The following SMYD3 variants were observed in gnomAD, a reference collection of about 807,000 sequenced individuals.
The protein encoded by SMYD3 is histone-lysine N-methyltransferase SMYD3.
Under a neutral mutation model 57.7 loss-of-function variants are expected in SMYD3, and 36 were observed. That is an observed-to-expected ratio of 0.62 (90% CI 0.48 to 0.82). The LOEUF is 0.82. Ranked by LOEUF, SMYD3 falls within the 40% of genes least tolerant of loss-of-function variation. The pLI is 0.00. For missense variants in SMYD3, 515 were observed against 538.8 expected (o/e 0.96, Z 0.44); for synonymous variants, 211 against 195.0 (o/e 1.08, Z -0.68).
chr1:246,144,216 A>G (rs1005725457), intron 5 of SMYD3, among the ~76,000 whole-genome samples: 1 of 152,184 alleles, frequency 6.6e-6, no homozygotes, highest in Admixed American at 6.5e-5. Flanking sequence ...TCTTCAGGGC[A>G]AGCCTGGGTA....
At chr1:245,978,013 T>TA (rs199741519) in intron 5 of SMYD3, among the ~76,000 whole-genome samples, 2,589 of 152,290 alleles carry the variant, frequency 0.017, 25 homozygotes, top group Non-Finnish European at 0.024. Context: ...CAGAGCCAGG[T>TA]GCAAGCCCAG....
At chr1:246,319,358 G>A (rs559183264) in intron 5 of SMYD3, among the ~76,000 whole-genome samples, 7 of 152,264 alleles carry the variant, frequency 4.6e-5, no homozygotes, top group Admixed American at 3.9e-4. Flanking sequence ...GTGACTGGAG[G>A]TTAGCAATCC....
intron 3 of SMYD3, among the ~76,000 whole-genome samples, chr1:246,331,353 G>A (rs1026147111): frequency 1.3e-5 from 2 of 152,332 alleles, no homozygotes; most frequent in African/African-American, 4.8e-5. Context: ...TTATGTATGT[G>A]TATCTTCCTT....
intron 5 of SMYD3, among the ~76,000 whole-genome samples, chr1:246,229,609 G>A (rs2063381438): frequency 6.6e-6 from 1 of 152,146 alleles, no homozygotes; most frequent in Admixed American, 6.6e-5. Flanking sequence ...TCACAGTTCT[G>A]GAGGCTGGGA....
At chr1:246,448,793 T>C (rs1051058398) in intron 1 of SMYD3, among the ~76,000 whole-genome samples, 5 of 150,180 alleles carry the variant, frequency 3.3e-5, no homozygotes, top group South Asian at 2.1e-4. Flanking sequence ...CTGCTTCCAA[T>C]GTAGGACCAA....
rs143167234 is a variant in SMYD3 at position 246,425,333 on chromosome 1, A to G, written c.165-70239T>C. On this transcript the variant is annotated intron_variant, in intron 1 of 11. Transcript: ENST00000490107. ...TACCGGAGATACAACACCAACCTAGATAACAAAGACCACAGAGTACATCCA... is the reference window on the plus strand; with the variant it reads ...TACCGGAGATACAACACCAACCTAGGTAACAAAGACCACAGAGTACATCCA... Among the ~76,000 whole-genome samples, 731 of 152,332 alleles carry G rather than the reference A, an allele frequency of 4.8e-3. 6 individuals carry two copies. The highest frequency in any genetic ancestry group is 0.01 in the Middle Eastern group (3 of 294).
intron 8 of SMYD3, among the ~76,000 whole-genome samples, chr1:245,910,003 TAGAA>T (rs894870345): frequency 2.0e-5 from 3 of 152,094 alleles, no homozygotes; most frequent in African/African-American, 7.2e-5. Flanking sequence ...GCATTCAAAT[TAGAA>T]AGGAAGAATT....
At chr1:246,264,970 G>A (rs1184501972) in intron 5 of SMYD3, among the ~76,000 whole-genome samples, 1 of 152,110 alleles carries the variant, frequency 6.6e-6, no homozygotes, top group Non-Finnish European at 1.5e-5. Flanking sequence ...TAATTGTGAA[G>A]AAATAAAAAA....
rs567228529 is a variant in SMYD3 at position 246,438,887 on chromosome 1, A to C, written c.164+68167T>G. Among the ~76,000 whole-genome samples the C allele has an allele frequency of 7.3e-5, 11 of 151,606 alleles. No individual in the cohort carries two copies. In the East Asian group the frequency reaches 2.1e-3, roughly 29 times the overall value. ...CAATAGGGTTCACGCTCCCGTGAGAATCTAATGCCGCTGCTGATCTGACAG... is the reference window on the plus strand; with the variant it reads ...CAATAGGGTTCACGCTCCCGTGAGACTCTAATGCCGCTGCTGATCTGACAG... On this transcript the variant is annotated intron_variant, in intron 1 of 11. Transcript: ENST00000490107.
intron 5 of SMYD3, among the ~76,000 whole-genome samples, chr1:246,324,857 G>A (rs933359771): frequency 7.9e-5 from 12 of 150,944 alleles, no homozygotes; most frequent in Admixed American, 6.6e-4. Context: ...CCCAGTTCCC[G>A]TGTGCTTGAT....
intron 1 of SMYD3, among the ~76,000 whole-genome samples, chr1:246,474,472 T>C (rs1299998069): frequency 7.0e-6 from 1 of 142,546 alleles, no homozygotes; most frequent in Non-Finnish European, 1.5e-5. Context: ...TGGGCCAAGA[T>C]TGAGCCACTG....
At chr1:245,991,810 A>G (rs12121035) in intron 5 of SMYD3, among the ~76,000 whole-genome samples, 59,718 of 130,224 alleles carry the variant, frequency 0.46, 15,176 homozygotes, top group Middle Eastern at 0.64. Flanking sequence ...CCAACTTACA[A>G]CTGAACCTCA....
intron 5 of SMYD3, among the ~76,000 whole-genome samples, chr1:246,133,321 G>A (rs1264923029): frequency 6.6e-6 from 1 of 151,992 alleles, no homozygotes; most frequent in Non-Finnish European, 1.5e-5. Context: ...TCCCAGGCTC[G>A]TGAAGTTACT....
intron 5 of SMYD3, among the ~76,000 whole-genome samples, chr1:246,089,999 CAG>C (rs1264055850): frequency 5.9e-5 from 9 of 151,752 alleles, no homozygotes; most frequent in African/African-American, 2.2e-4. Context: ...AGAATCCAGT[CAG>C]TTTTTCTCTG....
intron 1 of SMYD3, among the ~76,000 whole-genome samples, chr1:246,424,742 C>G (rs894739516): frequency 6.6e-6 from 1 of 152,072 alleles, no homozygotes; most frequent in Non-Finnish European, 1.5e-5. Context: ...TAGACATCGC[C>G]AAATAAAAAT....
chr1:245,799,108 C>G (rs1329758608), intron 10 of SMYD3, among the ~76,000 whole-genome samples: 1 of 152,226 alleles, frequency 6.6e-6, no homozygotes, highest in African/African-American at 2.4e-5. Flanking sequence ...TAAATGCTCC[C>G]AGAGAGGAAT....
At chr1:245,761,593 A>G (rs527597375) in intron 11 of SMYD3, among the ~76,000 whole-genome samples, 4 of 152,072 alleles carry the variant, frequency 2.6e-5, no homozygotes, top group Non-Finnish European at 4.4e-5. Context: ...TTTCTCTCCC[A>G]TATTTTTCCC....
chr1:245,936,592 T>A (rs1289740191), intron 5 of SMYD3, among the ~76,000 whole-genome samples: 1 of 152,152 alleles, frequency 6.6e-6, no homozygotes, highest in Non-Finnish European at 1.5e-5. Flanking sequence ...AATATTTCAT[T>A]TAAAAATTTG....
intron 5 of SMYD3, among the ~76,000 whole-genome samples, chr1:246,036,766 A>G (rs1277644074): frequency 2.2e-5 from 3 of 138,734 alleles, no homozygotes; most frequent in East Asian, 2.3e-4. Flanking sequence ...GGGTTTCACC[A>G]TCTTAGCCAG....
Sources: gnomAD v4.1 joint callset for allele counts (sites outside exome capture counted in the v4.1 genomes callset) on GRCh38, gnomAD v4.1.1 for gene constraint, MANE v1.5 for transcripts, NCBI Gene and HGNC (gene_info 2026-07-23, HGNC 2026-07-21) for gene names.